The following TMEFF2 variants were observed in gnomAD, a reference collection of about 807,000 sequenced individuals.
TMEFF2 encodes the protein tomoregulin-2.
A neutral mutation model predicts 53.8 loss-of-function variants in TMEFF2; 28 were observed. That is an observed-to-expected ratio of 0.52 (90% CI 0.39 to 0.71). The LOEUF is 0.71. Ranked by LOEUF, TMEFF2 falls within the 30% of genes least tolerant of loss-of-function variation. TMEFF2 has a pLI of 0.00. For missense variants in TMEFF2, 353 were observed against 455.2 expected (o/e 0.78, Z 2.04); for synonymous variants, 162 against 166.3 (o/e 0.97, Z 0.20).
intron 4 of TMEFF2, among the ~76,000 whole-genome samples, chr2:192,064,550 T>A (rs1688124108): frequency 6.6e-6 from 1 of 151,998 alleles, no homozygotes; most frequent in South Asian, 2.1e-4. Flanking sequence ...ACATTCTCCA[T>A]GAAAAACACT....
intron 4 of TMEFF2, among the ~76,000 whole-genome samples, chr2:192,069,986 GTGTATATA>G (rs1327756321): frequency 6.0e-4 from 7 of 11,646 alleles, no homozygotes; most frequent in African/African-American, 8.0e-4. Context: ...GTGTGTGTGT[GTGTATATA>G]TATATATATA....
Position 191,971,957 on chromosome 2 carries a change from C to T in TMEFF2, c.746-15579G>A, listed in dbSNP as rs144069568. On this transcript the variant is annotated intron_variant, in intron 7 of 9. Coordinates refer to ENST00000272771, the MANE Select transcript of TMEFF2 (RefSeq NM_016192.4). The stretch of plus-strand genomic sequence containing the variant: ...AGAAAGAGCTGGTCAGAGATAGCCC[C>T]GGAAGAGCTTCTGACTGAGTGAACA... Among the ~76,000 whole-genome samples the T allele has an allele frequency of 5.0e-3, 757 of 152,100 alleles. 6 individuals are homozygous for T. Among genetic ancestry groups the T allele is most frequent in the African/African-American group, 0.017 (712 of 41,490 alleles).
chr2:192,066,343 T>C (rs1688169395), intron 4 of TMEFF2, among the ~76,000 whole-genome samples: 1 of 151,824 alleles, frequency 6.6e-6, no homozygotes, highest in Non-Finnish European at 1.5e-5. Flanking sequence ...CCACTGATAA[T>C]TTTTAATTTT....
intron 4 of TMEFF2, among the ~76,000 whole-genome samples, chr2:192,081,662 T>C (rs1432997530): frequency 3.3e-5 from 5 of 152,184 alleles, no homozygotes; most frequent in Admixed American, 3.3e-4. Context: ...TATTTTCTGT[T>C]TGCTTACCAT....
At chr2:192,111,771 G>A (rs1323123981) in intron 4 of TMEFF2, among the ~76,000 whole-genome samples, 1 of 152,146 alleles carries the variant, frequency 6.6e-6, no homozygotes, top group African/African-American at 2.4e-5. Context: ...GGTCGGCTGG[G>A]CCCATGGCCC....
At chr2:192,107,435 T>C (rs1317550030) in intron 4 of TMEFF2, among the ~76,000 whole-genome samples, 1 of 151,776 alleles carries the variant, frequency 6.6e-6, no homozygotes, top group Non-Finnish European at 1.5e-5. Flanking sequence ...TTTAAAAAGA[T>C]TCTTAAATTT....
In TMEFF2 at chr2:191,950,219, T is replaced by C. The variant is rs973037323; in HGVS notation, c.*92A>G. 8 of 1,568,130 alleles carry C rather than the reference T, an allele frequency of 5.1e-6. No homozygotes were observed. Among genetic ancestry groups the C allele is most frequent in the Admixed American group, 1.8e-5 (1 of 54,390 alleles). ...AGATTACCACAAATGCAAGGCAACA[T>C]GTGTAGATCTCTTGTCTTATTCTTT... is the stretch of plus-strand genomic sequence containing the variant. On this transcript the variant is annotated 3_prime_UTR_variant, in exon 10 of 10. Coordinates refer to ENST00000272771, the MANE Select transcript of TMEFF2 (RefSeq NM_016192.4).
chr2:192,047,639 A>C (rs1687655538), intron 5 of TMEFF2, among the ~76,000 whole-genome samples: 1 of 152,308 alleles, frequency 6.6e-6, no homozygotes, highest in South Asian at 2.1e-4. Flanking sequence ...TTTACTTTAC[A>C]TTAGGGGGGC....
At chr2:192,020,914 T>G (rs1686844817) in intron 5 of TMEFF2, among the ~76,000 whole-genome samples, 1 of 152,214 alleles carries the variant, frequency 6.6e-6, no homozygotes, top group African/African-American at 2.4e-5. Context: ...TGCTAATACT[T>G]TAAGGGCAAA....
chr2:192,184,805 T>A (rs748922459), intron 2 of TMEFF2, among the ~76,000 whole-genome samples: 1 of 152,128 alleles, frequency 6.6e-6, no homozygotes, highest in Non-Finnish European at 1.5e-5. Flanking sequence ...ATTTTTAGTA[T>A]GTAGCCCATA....
In TMEFF2 at chr2:192,002,281, G is replaced by A. The variant is rs551944075; in HGVS notation, c.537-3073C>T. On this transcript the variant is annotated intron_variant, in intron 5 of 9. Coordinates refer to ENST00000272771, the MANE Select transcript of TMEFF2 (RefSeq NM_016192.4). ...CATAGATTCATTCCTTGAGGTGAAAGTTTCCCTGGGATATAAGCTTCAGGA... is the reference window on the plus strand; with the variant it reads ...CATAGATTCATTCCTTGAGGTGAAAATTTCCCTGGGATATAAGCTTCAGGA... Among the ~76,000 whole-genome samples, 5 of 152,248 alleles carry A rather than the reference G, an allele frequency of 3.3e-5. No individual in the cohort carries two copies. The South Asian group carries it at 6.2e-4, about 19-fold the overall frequency.
rs989979795 is a variant in TMEFF2, at chr2:192,194,638, G to A, written c.-114C>T. 2 of 1,213,152 alleles carry A rather than the reference G, an allele frequency of 1.6e-6. No homozygotes were observed. Among genetic ancestry groups the A allele is most frequent in the Non-Finnish European group, 2.3e-6 (2 of 863,042 alleles). The allele number at this position is 1,213,152 out of a possible 1,614,324, so 75.1% of individuals were successfully genotyped here. On this transcript the variant is annotated 5_prime_UTR_variant, in exon 1 of 10. Transcript: ENST00000272771. The surrounding 1 kb of genome is among the most constrained non-coding windows in gnomAD (Gnocchi z 4.2). ...GGACGGCGGCAGCAGAGGCGGCGGCGGTGGCAGTGGCACCCGGCGGGGAAG... is the reference window on the plus strand; with the variant it reads ...GGACGGCGGCAGCAGAGGCGGCGGCAGTGGCAGTGGCACCCGGCGGGGAAG...
chr2:192,023,839 TG>T (rs1421555079), intron 5 of TMEFF2, among the ~76,000 whole-genome samples: 23 of 152,118 alleles, frequency 1.5e-4, no homozygotes, highest in Admixed American at 7.9e-4. Flanking sequence ...TCACCTGACT[TG>T]GGGGCAGACT....
chr2:191,979,391 T>A (rs1233334539), intron 7 of TMEFF2, among the ~76,000 whole-genome samples: 1 of 152,192 alleles, frequency 6.6e-6, no homozygotes, highest in African/African-American at 2.4e-5. Context: ...GGATTTGATT[T>A]CATTTAGGTT....
chr2:192,041,686 A>G (rs1405082493), intron 5 of TMEFF2, among the ~76,000 whole-genome samples: 1 of 152,218 alleles, frequency 6.6e-6, no homozygotes. Context: ...CATTATTCAT[A>G]GTAGTCAAAA....
intron 3 of TMEFF2, among the ~76,000 whole-genome samples, chr2:192,182,273 A>C (rs10931531): frequency 0.076 from 11,550 of 151,968 alleles, 545 homozygotes; most frequent in South Asian, 0.1. Flanking sequence ...AAGAATGAGA[A>C]TCCCTTTTAG....
intron 5 of TMEFF2, among the ~76,000 whole-genome samples, chr2:192,039,726 A>G (rs1687426618): frequency 6.6e-6 from 1 of 152,174 alleles, no homozygotes; most frequent in South Asian, 2.1e-4. Context: ...TTATTCTGCC[A>G]TATGAACAAG....
At chr2:192,155,939 ATTATG>A (rs1185407823) in intron 4 of TMEFF2, among the ~76,000 whole-genome samples, 5 of 151,986 alleles carry the variant, frequency 3.3e-5, no homozygotes, top group Admixed American at 6.6e-5. Context: ...CTTACTACTC[ATTATG>A]TTATAGAATT....
intron 4 of TMEFF2, among the ~76,000 whole-genome samples, chr2:192,128,902 G>C (rs111648196): frequency 2.7e-5 from 3 of 112,076 alleles, no homozygotes; most frequent in African/African-American, 4.7e-5. Flanking sequence ...GGCTTCCCCC[G>C]GGGAGGTAGC....
Sources: allele counts gnomAD v4.1 joint callset (sites outside exome capture counted in the v4.1 genomes callset), GRCh38; gene constraint gnomAD v4.1.1; non-coding constraint Gnocchi (gnomAD v3.1); transcripts MANE v1.5; gene names NCBI Gene and HGNC (gene_info 2026-07-23, HGNC 2026-07-21).